RBKS: variants seen among roughly 807,000 people sequenced by gnomAD.
RBKS encodes the protein ribokinase.
RBKS carries 33 observed loss-of-function variants against 33.9 expected under a neutral mutation model. The observed-to-expected ratio is 0.97, with a 90% confidence interval of 0.74 to 1.30. The LOEUF (loss-of-function observed/expected upper bound fraction) is 1.30, where lower values mean the gene tolerates loss of function less well. RBKS is among the 50% of genes most tolerant of loss of function. The probability of loss-of-function intolerance (pLI) is 0.00; values close to 1 mark genes in which losing one functional copy is unlikely to be tolerated. For missense variants in RBKS, 361 were observed against 392.6 expected (o/e 0.92, Z 0.68); for synonymous variants, 125 against 143.0 (o/e 0.87, Z 0.90).
In RBKS at chr2:27,845,966, AT is replaced by A. The variant is rs530014294; in HGVS notation, c.349+1075del. ...AAAACTTGACTTGAAGGTTGTTACCATTTTTTTTTTTTTGAGACAGAGTCTT... is the reference window on the plus strand; with the variant it reads ...AAAACTTGACTTGAAGGTTGTTACCATTTTTTTTTTTTGAGACAGAGTCTT... On this transcript the variant is annotated intron_variant, in intron 4 of 7. Coordinates refer to ENST00000302188, the MANE Select transcript of RBKS (RefSeq NM_022128.3). Among the ~76,000 whole-genome samples the A allele has an allele frequency of 7.8e-3, 1,131 of 144,940 alleles. 6 individuals carry two copies. Among genetic ancestry groups the A allele is most frequent in the Non-Finnish European group, 9.0e-3 (589 of 65,660 alleles).
intron 7 of RBKS, among the ~76,000 whole-genome samples, chr2:27,818,534 A>G (rs1203640707): frequency 2.0e-5 from 3 of 152,326 alleles, no homozygotes; most frequent in Non-Finnish European, 4.4e-5. Context: ...GGCTCTGCCA[A>G]CTTACCAGCT....
chr2:27,812,965 T>A lies in RBKS; in HGVS notation c.795+14602A>T, dbSNP rs1053976496. On this transcript the variant is annotated intron_variant, in intron 7 of 7. Coordinates refer to ENST00000302188, the MANE Select transcript of RBKS (RefSeq NM_022128.3). ...AGAACAGATCATCTAAAATATGTAG[T>A]TTTATATGCTGTAGTACATTTTAAC... Among the ~76,000 whole-genome samples, 5 of 151,912 alleles carry A rather than the reference T, an allele frequency of 3.3e-5. No individual in the cohort carries two copies. In the South Asian group the frequency reaches 1.0e-3, roughly 31 times the overall value.
chr2:27,789,899 G>T (rs1425567320), intron 7 of RBKS, among the ~76,000 whole-genome samples: 1 of 126,914 alleles, frequency 7.9e-6, no homozygotes, highest in African/African-American at 3.6e-5. Flanking sequence ...TGTGTGTATA[G>T]AGTGTGTGTG....
At chr2:27,855,276 A>T (rs1009966033) in intron 2 of RBKS, among the ~76,000 whole-genome samples, 1 of 152,250 alleles carries the variant, frequency 6.6e-6, no homozygotes, top group Non-Finnish European at 1.5e-5. Context: ...TCATATTTGA[A>T]GGATAGTTTG....
Position 27,781,625 on chromosome 2 carries a change from G to A in RBKS, c.959C>T (p.Thr320Ile). The A allele has an allele frequency of 6.2e-7, 1 of 1,610,536 alleles. No homozygotes were observed. Among genetic ancestry groups the A allele is most frequent in the African/African-American group, 1.3e-5 (1 of 74,848 alleles). Residue 320 changes from threonine (T) to isoleucine (I), a missense_variant, in exon 8 of 8, where the codon ACT becomes ATT. Coordinates refer to ENST00000302188, the MANE Select transcript of RBKS (RefSeq NM_022128.3). ...TGGGACTAATAGCAATCAAAACAGA[G>A]TAAGCGGAAGGTCTTTTTTGTAAGG... is the stretch of plus-strand genomic sequence containing the variant. Reference protein sequence around the residue: ...SYPYKKDLPLTLF With the variant: ...SYPYKKDLPLILF
intron 6 of RBKS, among the ~76,000 whole-genome samples, chr2:27,832,011 C>T (rs977261904): frequency 4.6e-5 from 7 of 152,110 alleles, no homozygotes; most frequent in South Asian, 2.1e-4. Context: ...CATTGATGGG[C>T]GAGAGCTCTG....
intron 1 of RBKS, chr2:27,861,666 G>GGGA: frequency 2.3e-6 from 1 of 431,820 alleles, no homozygotes. Flanking sequence ...TTCTTTTTGG[G>GGGA]GGGGGGGTGG....
intron 4 of RBKS, among the ~76,000 whole-genome samples, chr2:27,845,527 G>GAACAACAACAACAACAAC (rs5830051): frequency 1.3e-5 from 2 of 151,124 alleles, no homozygotes; most frequent in African/African-American, 4.9e-5. Flanking sequence ...GATAGTCCTA[G>GAACAACAACAACAACAAC]AACAACAACA....
intron 1 of RBKS, among the ~76,000 whole-genome samples, chr2:27,880,651 A>G (rs575581161): frequency 6.6e-6 from 1 of 152,288 alleles, no homozygotes; most frequent in South Asian, 2.1e-4. Flanking sequence ...TAAGAACATA[A>G]TCCCATCCAC....
intron 7 of RBKS, among the ~76,000 whole-genome samples, chr2:27,788,073 G>A (rs1467100257): frequency 6.6e-6 from 1 of 152,032 alleles, no homozygotes; most frequent in African/African-American, 2.4e-5. Context: ...TTAGAAATAA[G>A]GTGTAACTTG....
chr2:27,845,006 C>G (rs1244797459), intron 4 of RBKS, among the ~76,000 whole-genome samples: 1 of 152,164 alleles, frequency 6.6e-6, no homozygotes, highest in South Asian at 2.1e-4. Context: ...TTGTTGGCCA[C>G]GAGGAAGACT....
Position 27,861,752 on chromosome 2 carries a change from A to G in RBKS, c.90-3181T>C, listed in dbSNP as rs557042424. Among the ~76,000 whole-genome samples, 22 of 151,190 alleles carry G rather than the reference A, an allele frequency of 1.5e-4. 1 individual carries two copies. In the South Asian group the frequency reaches 3.6e-3, roughly 24 times the overall value. ...CTGTTACCTCTGCCTCCTGGGTTCA[A>G]ATGATTCCCCTGCCTCAGCCTCCCG... On this transcript the variant is annotated intron_variant, in intron 1 of 7. Transcript: ENST00000302188.
chr2:27,871,041 G>T (rs765614077), intron 1 of RBKS, among the ~76,000 whole-genome samples: 13 of 152,116 alleles, frequency 8.5e-5, no homozygotes, highest in Non-Finnish European at 1.5e-4. Flanking sequence ...TCTAGTTATG[G>T]TGCCAGCTGA....
In RBKS at chr2:27,890,101, G is replaced by A. The variant is rs1664692422; in HGVS notation, c.89+156C>T. ...ATATACTCAAGTTCTTTCATGCCAGGAAGGTAGGCTGAAGGCTTCGAAAAC... is the reference window on the plus strand; with the variant it reads ...ATATACTCAAGTTCTTTCATGCCAGAAAGGTAGGCTGAAGGCTTCGAAAAC... On this transcript the variant is annotated intron_variant, in intron 1 of 7. Coordinates refer to ENST00000302188, the MANE Select transcript of RBKS (RefSeq NM_022128.3). The surrounding 1 kb of genome is among the most constrained non-coding windows in gnomAD (Gnocchi z 4.8). 3 of 615,226 alleles carry A rather than the reference G, an allele frequency of 4.9e-6. No individual in the cohort carries two copies. Among genetic ancestry groups the A allele is most frequent in the Non-Finnish European group, 8.5e-6 (3 of 351,766 alleles). 38.1% of individuals were successfully genotyped at this position (615,226 alleles called of 1,614,324 possible).
At chr2:27,801,032 C>T (rs1180082304) in intron 7 of RBKS, among the ~76,000 whole-genome samples, 1 of 152,194 alleles carries the variant, frequency 6.6e-6, no homozygotes, top group Non-Finnish European at 1.5e-5. Flanking sequence ...GGACAGCCTG[C>T]ACTTCCTCAG....
chr2:27,888,690 T>G (rs558424660), intron 1 of RBKS, among the ~76,000 whole-genome samples: 17 of 152,312 alleles, frequency 1.1e-4, no homozygotes, highest in Admixed American at 5.2e-4. Context: ...GTAAACACAG[T>G]AATGTTCTTT....
At chr2:27,840,327 T>TACACACACACACACAC (rs544313433) in intron 5 of RBKS, among the ~76,000 whole-genome samples, 205 of 117,892 alleles carry the variant, frequency 1.7e-3, no homozygotes, top group East Asian at 0.015. Context: ...GATGATGCAT[T>TACACACACACACACAC]ACACACACAC....
At chr2:27,814,527 T>C (rs905455645) in intron 7 of RBKS, among the ~76,000 whole-genome samples, 7 of 152,176 alleles carry the variant, frequency 4.6e-5, no homozygotes, top group Admixed American at 6.5e-5. Flanking sequence ...TTAATGCAAA[T>C]TATAGTCACA....
chr2:27,858,386 C>A (rs1398536309), intron 2 of RBKS, 53 bp downstream of exon 2: 12 of 1,537,060 alleles, frequency 7.8e-6, no homozygotes, highest in African/African-American at 1.4e-5. Context: ...GAACTCCAGT[C>A]TTAAAACCAG....
Sources: gnomAD v4.1 joint callset for allele counts (sites outside exome capture counted in the v4.1 genomes callset) on GRCh38, gnomAD v4.1.1 for gene constraint, Gnocchi (gnomAD v3.1) non-coding constraint, MANE v1.5 for transcripts, NCBI Gene and HGNC (gene_info 2026-07-23, HGNC 2026-07-21) for gene names.